The following ECPAS variants were observed in gnomAD, a reference collection of about 807,000 sequenced individuals.
The protein encoded by ECPAS is Ecm29 proteasome adaptor and scaffold, also known as proteasome adapter and scaffold protein ECM29.
ECPAS carries 70 observed loss-of-function variants against 255.1 expected under a neutral mutation model. The observed-to-expected ratio is 0.27, with a 90% CI of 0.23 to 0.33. The LOEUF (loss-of-function observed/expected upper bound fraction) is 0.33, where lower values mean the gene tolerates loss of function less well. Ranked by LOEUF, ECPAS falls within the 10% of genes least tolerant of loss-of-function variation. The probability of loss-of-function intolerance (pLI) is 1.00; values close to 1 mark genes in which losing one functional copy is unlikely to be tolerated. For missense variants in ECPAS, 1,817 were observed against 2,206.4 expected (o/e 0.82, Z 3.54); for synonymous variants, 784 against 775.0 (o/e 1.01, Z -0.19).
chr9:111,470,418 C>G (rs543235538), intron 2 of ECPAS, among the ~76,000 whole-genome samples: 1 of 152,058 alleles, frequency 6.6e-6, no homozygotes, highest in African/African-American at 2.4e-5. Context: ...TCAAGTGACT[C>G]TCCTGCCTCA....
intron 8 of ECPAS, among the ~76,000 whole-genome samples, 187 bp from the exon 9 acceptor site, chr9:111,430,815 A>T (rs12348365): frequency 0.28 from 42,776 of 152,196 alleles, 7,498 homozygotes; most frequent in Non-Finnish European, 0.4. Flanking sequence ...TATGTTTTTA[A>T]ACCAAAACAA....
chr9:111,393,508 T>C (rs532414110), intron 27 of ECPAS, among the ~76,000 whole-genome samples, 172 bp downstream of exon 27: 7 of 152,318 alleles, frequency 4.6e-5, no homozygotes, highest in Non-Finnish European at 1.0e-4. Context: ...ACTAGAAATT[T>C]TGGTTTCTAA....
chr9:111,480,387 T>TCAC (rs1429177950), intron 1 of ECPAS, among the ~76,000 whole-genome samples: 1 of 136,584 alleles, frequency 7.3e-6, no homozygotes, highest in Non-Finnish European at 1.5e-5. Context: ...AACTTCCACC[T>TCAC]CACAGGTTCA....
At chr9:111,380,028 AC>A (rs2098138584) in intron 35 of ECPAS, among the ~76,000 whole-genome samples, 1 of 152,226 alleles carries the variant, frequency 6.6e-6, no homozygotes, top group South Asian at 2.1e-4. Flanking sequence ...TCTTAACAGC[AC>A]CTACAATGGT....
At chr9:111,466,346 G>A (rs1589232201) in intron 2 of ECPAS, among the ~76,000 whole-genome samples, 1 of 152,084 alleles carries the variant, frequency 6.6e-6, no homozygotes, top group South Asian at 2.1e-4. Context: ...TCAGGAGGCT[G>A]AGGCAGGAGA....
Position 111,414,512 on chromosome 9 carries a change from G to A in ECPAS, c.1904C>T (p.Pro635Leu). 1 of 1,614,014 alleles carries A rather than the reference G, an allele frequency of 6.2e-7. No individual in the cohort carries two copies. Among genetic ancestry groups the A allele is most frequent in the Non-Finnish European group, 8.5e-7 (1 of 1,179,880 alleles). Reference sequence around the variant, plus strand: ...CTCCCCACTCTTGTTAGATGATGAGGGTGCCATCTGCCCGCTTGACATTAA... The same window carrying A: ...CTCCCCACTCTTGTTAGATGATGAGAGTGCCATCTGCCCGCTTGACATTAA... ...RTLMSSGQMA[P>L]SSSNKSGETN... Residue 635 changes from proline to leucine, a missense_variant, in exon 19 of 50, where the codon CCC (proline) becomes CTC (leucine). Physicochemically the swap from Pro to Leu is moderately conservative, Grantham distance 98. Transcript: ENST00000684092.
At chr9:111,409,111 G>A (rs576140960) in intron 23 of ECPAS, among the ~76,000 whole-genome samples, 105 of 152,274 alleles carry the variant, frequency 6.9e-4, no homozygotes, top group African/African-American at 2.2e-3. Context: ...AGACCTTTTA[G>A]AAGATTCAAT....
rs374719634 is a variant in ECPAS, at chr9:111,387,061, TC to T, written c.3448-606del. ...CTGAAGGACAGAGTCTCACTCATCG[TC>T]AGTGCAGTTATTGAGGGACACAGTC... is the stretch of plus-strand genomic sequence containing the variant. On this transcript the variant is annotated intron_variant, in intron 31 of 49. Coordinates refer to ENST00000684092, the MANE Select transcript of ECPAS (RefSeq NM_001364929.1). 6.3e-4 allele frequency among the ~76,000 whole-genome samples: 96 copies of T among 152,354 alleles called. 1 individual carries two copies. The highest frequency in any genetic ancestry group is 1.1e-3 in the Non-Finnish European group (76 of 68,028).
chr9:111,423,409 G>A (rs1472044880), intron 12 of ECPAS, among the ~76,000 whole-genome samples, 161 bp from the exon 13 acceptor site: 3 of 152,134 alleles, frequency 2.0e-5, no homozygotes, highest in African/African-American at 7.2e-5. Flanking sequence ...GTTAGCACCT[G>A]AACAACAACA....
intron 20 of ECPAS, among the ~76,000 whole-genome samples, chr9:111,412,360 A>C (rs1210746223): frequency 1.3e-5 from 2 of 152,250 alleles, no homozygotes; most frequent in Non-Finnish European, 2.9e-5. Context: ...AAAACAGGTG[A>C]AATTTATTCA....
Position 111,429,584 on chromosome 9 carries a change from A to G in ECPAS, c.930+963T>C, listed in dbSNP as rs548079130. 7.5e-4 allele frequency among the ~76,000 whole-genome samples: 115 copies of G among 152,358 alleles called. 1 individual carries two copies. The highest frequency in any genetic ancestry group is 1.4e-3 in the Non-Finnish European group (94 of 68,022). Reference sequence around the variant, plus strand: ...TTTCCTCCCCAGCACATTCATGTGTACAGCCATTTGGGGCTAGAATTCATA... The same window carrying G: ...TTTCCTCCCCAGCACATTCATGTGTGCAGCCATTTGGGGCTAGAATTCATA... On this transcript the variant is annotated intron_variant, in intron 9 of 49. Coordinates refer to ENST00000684092, the MANE Select transcript of ECPAS (RefSeq NM_001364929.1).
In ECPAS at chr9:111,361,336, A is replaced by C. The variant is rs958081087; in HGVS notation, c.*694T>G. On this transcript the variant is annotated 3_prime_UTR_variant, in exon 50 of 50. Transcript: ENST00000684092. ...TGTCCTCTCCATCTGTAAAGATGCT[A>C]AACAATCATTTTCTCCAAATCAACC... 6.6e-6 allele frequency: 1 copy of C among 152,216 alleles called. No homozygotes were observed. The highest frequency in any genetic ancestry group is 6.5e-5 in the Admixed American group (1 of 15,268). The allele number at this position is 152,216 out of a possible 1,614,324, so 9.4% of individuals were successfully genotyped here.
At chr9:111,461,526 ATAAG>A (rs2098273144) in intron 2 of ECPAS, among the ~76,000 whole-genome samples, 1 of 152,180 alleles carries the variant, frequency 6.6e-6, no homozygotes, top group Admixed American at 6.6e-5. Flanking sequence ...CTAACAAAAA[ATAAG>A]TAGACCACTT....
intron 30 of ECPAS, 86 bp from the exon 31 acceptor site, chr9:111,389,809 C>G (rs2098156524): frequency 3.0e-6 from 4 of 1,353,800 alleles, no homozygotes; most frequent in Non-Finnish European, 4.0e-6. Flanking sequence ...AAACTTATGC[C>G]TAAATACAGC....
chr9:111,431,324 G>A (rs972809528), intron 8 of ECPAS, among the ~76,000 whole-genome samples: 20 of 152,138 alleles, frequency 1.3e-4, no homozygotes, highest in Non-Finnish European at 2.5e-4. Context: ...TTGGGAGGCC[G>A]AGGCGGGTGG....
intron 31 of ECPAS, among the ~76,000 whole-genome samples, chr9:111,387,286 G>C (rs531658089): frequency 1.3e-5 from 2 of 152,164 alleles, no homozygotes; most frequent in African/African-American, 4.8e-5. Context: ...CTCATCATCA[G>C]TGCAGTTATT....
chr9:111,412,236 A>G (rs1589161220), intron 20 of ECPAS, 88 bp from the exon 21 acceptor site: 3 of 1,167,286 alleles, frequency 2.6e-6, no homozygotes, highest in East Asian at 3.0e-5. Context: ...AAGAACGTTC[A>G]ATCTGTTGAT....
intron 10 of ECPAS, among the ~76,000 whole-genome samples, chr9:111,426,065 C>T (rs2098221101): frequency 6.6e-6 from 1 of 152,158 alleles, no homozygotes; most frequent in South Asian, 2.1e-4. Context: ...TGTGGGTCTA[C>T]CACAGTGAGG....
Position 111,410,197 on chromosome 9 carries a change from A to T in ECPAS, c.2394T>A (p.Ser798Arg). The T allele has an allele frequency of 6.2e-7, 1 of 1,612,068 alleles. No homozygotes were observed. The highest frequency in any genetic ancestry group is 1.3e-5 in the African/African-American group (1 of 74,996). Reference sequence around the variant, plus strand: ...CAGCAATTGCCAGGAGGGGTGATGTACTGTCCAAAAATGAGCCTGTAAGCA... The same window carrying T: ...CAGCAATTGCCAGGAGGGGTGATGTTCTGTCCAAAAATGAGCCTGTAAGCA... ...ATETIGSFLD[S>R]TSPLLAIAAC... Residue 798 changes from serine (S) to arginine (R), a missense_variant, in exon 23 of 50, where the codon AGT becomes AGA. Physicochemically the swap from Ser to Arg is moderately radical, Grantham distance 110 (BLOSUM62 -1). Around this residue, in one of 4 missense-constraint regions of ECPAS, gnomAD observed 194 missense variants for 152.8 expected, o/e 1.27. Transcript: ENST00000684092.
Sources: allele counts gnomAD v4.1 joint callset (sites outside exome capture counted in the v4.1 genomes callset), GRCh38; gene constraint gnomAD v4.1.1; regional missense constraint gnomAD v4.1.1; transcripts MANE v1.5; gene names NCBI Gene and HGNC (gene_info 2026-07-23, HGNC 2026-07-21).